The following SIPA1L2 variants were observed in gnomAD, a reference collection of about 807,000 sequenced individuals.
The protein encoded by SIPA1L2 is signal-induced proliferation-associated 1-like protein 2.
In SIPA1L2, 56 loss-of-function variants were observed where a neutral mutation model predicts 163.9. The observed-to-expected ratio is 0.34, with a 90% CI of 0.28 to 0.43. The LOEUF is 0.43. Ranked by LOEUF, SIPA1L2 falls within the 20% of genes least tolerant of loss-of-function variation. The pLI is 1.00. For synonymous variants in SIPA1L2, 877 were observed against 865.7 expected (o/e 1.01, Z -0.23); for missense variants, 1,974 against 2,193.5 (o/e 0.90, Z 2.00).
Position 232,425,660 on chromosome 1 carries a change from C to G in SIPA1L2, c.4559G>C (p.Ser1520Thr), listed in dbSNP as rs1661851742. The G allele has an allele frequency of 1.2e-6, 2 of 1,613,400 alleles. No homozygotes were observed. The highest frequency in any genetic ancestry group is 2.2e-5 in the East Asian group (1 of 44,848). ...CGTGCTGTGGTAGGGTGGGGTGGTGCTGAACAGAATGTCGTTGGGCAGGGC... is the reference window on the plus strand; with the variant it reads ...CGTGCTGTGGTAGGGTGGGGTGGTGGTGAACAGAATGTCGTTGGGCAGGGC... Reference protein sequence around the residue: ...DQALPNDILFSTTPPYHSTLP... With the variant: ...DQALPNDILFTTTPPYHSTLP... Residue 1520 changes from serine (S) to threonine (T), a missense_variant, in exon 18 of 23, where the codon AGC (serine) becomes ACC (threonine). By Grantham distance (58) the Ser-to-Thr change is moderately conservative (BLOSUM62 1). Around this residue, in one of 3 missense-constraint regions of SIPA1L2, gnomAD observed 1,079 missense variants for 1,150.7 expected, o/e 0.94. Transcript: ENST00000674635.
chr1:232,460,241 T>C (rs1038592740), intron 10 of SIPA1L2, among the ~76,000 whole-genome samples: 1 of 152,210 alleles, frequency 6.6e-6, no homozygotes, highest in African/African-American at 2.4e-5. Flanking sequence ...AATGTAATAG[T>C]ATTGCTTTCT....
Position 232,618,930 on chromosome 1 carries a change from A to G in SIPA1L2, c.-319+10939T>C, listed in dbSNP as rs149023182. 8.7e-3 allele frequency among the ~76,000 whole-genome samples: 1,330 copies of G among 152,208 alleles called. 10 individuals are homozygous for G. Among genetic ancestry groups the G allele is most frequent in the South Asian group, 0.018 (86 of 4,816 alleles). On this transcript the variant is annotated intron_variant, in intron 1 of 22. Coordinates refer to ENST00000674635, the MANE Select transcript of SIPA1L2 (RefSeq NM_020808.5). ...TAACCTTCAGTAAATTACAGTGAGG[A>G]AAAAAAACATAATGACCATCTTACG...
At chr1:232,443,390 A>G (rs1663019519) in intron 12 of SIPA1L2, among the ~76,000 whole-genome samples, 2 of 152,160 alleles carry the variant, frequency 1.3e-5, no homozygotes, top group African/African-American at 4.8e-5. Context: ...ATCAAAAAGG[A>G]AAAAACAGGC....
At chr1:232,484,311 T>C (rs1199259778) in intron 5 of SIPA1L2, among the ~76,000 whole-genome samples, 1 of 152,218 alleles carries the variant, frequency 6.6e-6, no homozygotes, top group African/African-American at 2.4e-5. Flanking sequence ...ACACACTTCA[T>C]ATAGTAATTA....
At chr1:232,462,807 T>C (rs1664310811) in intron 9 of SIPA1L2, among the ~76,000 whole-genome samples, 1 of 152,242 alleles carries the variant, frequency 6.6e-6, no homozygotes, top group Non-Finnish European at 1.5e-5. Flanking sequence ...GAAGAGTTAT[T>C]GGCTGAGCCT....
At chr1:232,458,090 C>T (rs1411917753) in intron 10 of SIPA1L2, among the ~76,000 whole-genome samples, 3 of 152,210 alleles carry the variant, frequency 2.0e-5, no homozygotes, top group Non-Finnish European at 4.4e-5. Flanking sequence ...AATTTTGGAA[C>T]GTTGCTACTA....
chr1:232,539,084 C>T (rs149334129), intron 2 of SIPA1L2, among the ~76,000 whole-genome samples: 5 of 152,336 alleles, frequency 3.3e-5, no homozygotes, highest in Middle Eastern at 3.4e-3. Flanking sequence ...AGAGTCTCCT[C>T]GTCAAGCAAA....
rs764681533 is a variant in SIPA1L2 at position 232,465,157 on chromosome 1, C to T, written c.2503G>A (p.Ala835Thr). ...SVKFSFITLG[A>T]KKKEKVKPRK... ...GGCTTTACCTTCTCCTTTTTCTTCG[C>T]ACCCAGCGTAATGAAGCTGAACTTC... The change falls in exon 9 of 23, where the codon GCG (alanine) becomes ACG (threonine). Residue 835 changes from alanine to threonine, a missense_variant. Physicochemically the swap from Ala to Thr is moderately conservative, Grantham distance 58 (BLOSUM62 0). Transcript: ENST00000674635. The surrounding 1 kb of genome is among the most constrained non-coding windows in gnomAD (Gnocchi z 4.1). 13 of 1,614,216 alleles carry T rather than the reference C, an allele frequency of 8.1e-6. No homozygotes were observed. The Admixed American group carries it at 2.2e-4, about 27-fold the overall frequency.
At chr1:232,451,179 G>A (rs1446678985) in intron 10 of SIPA1L2, among the ~76,000 whole-genome samples, 1 of 152,124 alleles carries the variant, frequency 6.6e-6, no homozygotes, top group Non-Finnish European at 1.5e-5. Flanking sequence ...GTCAAACTCA[G>A]TTCCGTTCCA....
At chr1:232,455,922 A>G (rs1558190914) in intron 10 of SIPA1L2, among the ~76,000 whole-genome samples, 1 of 152,078 alleles carries the variant, frequency 6.6e-6, no homozygotes, top group Admixed American at 6.6e-5. Flanking sequence ...GACACGAAGA[A>G]AGGAATAATA....
chr1:232,625,337 T>A (rs1055124825), intron 1 of SIPA1L2, among the ~76,000 whole-genome samples: 1 of 152,198 alleles, frequency 6.6e-6, no homozygotes, highest in South Asian at 2.1e-4. Flanking sequence ...TCTAATAATG[T>A]ACAGACAGCA....
chr1:232,628,944 T>A (rs1663223922), intron 1 of SIPA1L2, among the ~76,000 whole-genome samples: 1 of 152,126 alleles, frequency 6.6e-6, no homozygotes, highest in African/African-American at 2.4e-5. Flanking sequence ...AAAAAAGCCA[T>A]CCTTGTCAAA....
chr1:232,592,267 A>G (rs1218107424), intron 1 of SIPA1L2, among the ~76,000 whole-genome samples: 1 of 152,240 alleles, frequency 6.6e-6, no homozygotes, highest in African/African-American at 2.4e-5. Flanking sequence ...AGCTGCATAG[A>G]TAGAAGTCAC....
At chr1:232,424,322 CAAAAAAAAAA>C (rs55961523) in intron 18 of SIPA1L2, among the ~76,000 whole-genome samples, 19,075 of 72,894 alleles carry the variant, frequency 0.26, 877 homozygotes, top group East Asian at 0.35. Flanking sequence ...GTGAAGCTAA[CAAAAAAAAAA>C]AAAAAAAAAA....
intron 2 of SIPA1L2, among the ~76,000 whole-genome samples, chr1:232,536,404 A>G (rs1232643834): frequency 6.6e-6 from 1 of 152,184 alleles, no homozygotes; most frequent in Non-Finnish European, 1.5e-5. Flanking sequence ...AGATGCTCAA[A>G]ACTATATTCT....
chr1:232,578,552 G>A (rs180844226), intron 1 of SIPA1L2, among the ~76,000 whole-genome samples: 10 of 152,160 alleles, frequency 6.6e-5, no homozygotes, highest in Admixed American at 2.6e-4. Context: ...TCTTTATGCC[G>A]ATACGTTATG....
intron 1 of SIPA1L2, among the ~76,000 whole-genome samples, chr1:232,616,412 G>A (rs1662500793): frequency 1.3e-5 from 2 of 152,252 alleles, no homozygotes; most frequent in Admixed American, 1.3e-4. Flanking sequence ...CATAGTAAGA[G>A]CTCCAGAAGA....
At chr1:232,602,150 A>C (rs565875024) in intron 1 of SIPA1L2, among the ~76,000 whole-genome samples, 1 of 152,276 alleles carries the variant, frequency 6.6e-6, no homozygotes, top group Non-Finnish European at 1.5e-5. Flanking sequence ...ATTCCAAGCA[A>C]CAAGAAGAGC....
chr1:232,585,360 T>C (rs903610634), intron 1 of SIPA1L2, among the ~76,000 whole-genome samples: 24 of 152,338 alleles, frequency 1.6e-4, no homozygotes, highest in African/African-American at 4.6e-4. Context: ...AGAAGATATT[T>C]ACAATCTCAT....
Sources: gnomAD v4.1 joint callset for allele counts (sites outside exome capture counted in the v4.1 genomes callset) on GRCh38, gnomAD v4.1.1 for gene constraint, gnomAD v4.1.1 regional missense constraint, Gnocchi (gnomAD v3.1) non-coding constraint, MANE v1.5 for transcripts, NCBI Gene and HGNC (gene_info 2026-07-23, HGNC 2026-07-21) for gene names.